The following TCEANC2 variants were observed in gnomAD, a reference collection of about 807,000 sequenced individuals.
TCEANC2 encodes the protein transcription elongation factor A N-terminal and central domain containing 2, also known as transcription elongation factor A N-terminal and central domain-containing protein 2.
TCEANC2 carries 20 observed loss-of-function variants against 22.8 expected under a neutral mutation model. That is an observed-to-expected ratio of 0.88 (90% confidence interval 0.62 to 1.28). TCEANC2 has a LOEUF of 1.28. TCEANC2 is among the 50% of genes most tolerant of loss of function. TCEANC2 has a pLI of 0.00. For synonymous variants in TCEANC2, 84 were observed against 95.5 expected, an observed-to-expected ratio of 0.88 and a Z score of 0.70; for missense variants, 251 against 249.7, an observed-to-expected ratio of 1.01 and a Z score of -0.03.
chr1:54,066,480 A>G (rs751594210), intron 2 of TCEANC2, among the ~76,000 whole-genome samples: 2 of 152,204 alleles, frequency 1.3e-5, no homozygotes, highest in Non-Finnish European at 2.9e-5. Flanking sequence ...GACCCAGAGA[A>G]GTTGAAAGTA....
intron 2 of TCEANC2, among the ~76,000 whole-genome samples, chr1:54,068,086 C>T (rs1657990874): frequency 6.6e-6 from 1 of 152,154 alleles, no homozygotes; most frequent in Non-Finnish European, 1.5e-5. Flanking sequence ...ATTTTTTATA[C>T]TTAATGGAAA....
intron 2 of TCEANC2, among the ~76,000 whole-genome samples, chr1:54,063,357 A>G (rs939190444): frequency 3.3e-5 from 5 of 152,210 alleles, no homozygotes; most frequent in African/African-American, 9.7e-5. Flanking sequence ...CCACACTCTT[A>G]TTACCATGCA....
At chr1:54,054,682 A>G (rs1225177825) in intron 2 of TCEANC2, among the ~76,000 whole-genome samples, 158 bp downstream of exon 2, 1 of 152,222 alleles carries the variant, frequency 6.6e-6, no homozygotes, top group African/African-American at 2.4e-5. Context: ...ATAGCTGTAC[A>G]GACTTACATT....
chr1:54,106,783 G>A (rs540008223), downstream of TCEANC2, among the ~76,000 whole-genome samples: 97 of 152,224 alleles, frequency 6.4e-4, no homozygotes, highest in African/African-American at 2.3e-3. Context: ...GATGTGTACA[G>A]ATATATACCC....
chr1:54,085,238 T>A (rs948031877), intron 3 of TCEANC2, among the ~76,000 whole-genome samples: 1 of 152,226 alleles, frequency 6.6e-6, no homozygotes, highest in East Asian at 1.9e-4. Flanking sequence ...GACAATTGCT[T>A]GTTTAAGCCC....
intron 3 of TCEANC2, among the ~76,000 whole-genome samples, chr1:54,086,579 C>T: frequency 6.6e-6 from 1 of 152,024 alleles, no homozygotes; most frequent in East Asian, 1.9e-4. Flanking sequence ...CTGCAAGTAG[C>T]TGGAGTATTG....
chr1:54,084,944 GGTGCTTT>G (rs1307534646), intron 3 of TCEANC2, among the ~76,000 whole-genome samples: 2 of 152,048 alleles, frequency 1.3e-5, no homozygotes, highest in Non-Finnish European at 2.9e-5. Context: ...AGTATCCAGG[GGTGCTTT>G]GTGCTTTGTG....
At chr1:54,090,449 AT>A (rs1658421320) in intron 4 of TCEANC2, among the ~76,000 whole-genome samples, 1 of 152,174 alleles carries the variant, frequency 6.6e-6, no homozygotes, top group Non-Finnish European at 1.5e-5. Flanking sequence ...AGATATTTTT[AT>A]TGATTATTTA....
chr1:54,054,179 C>T, intron 1 of TCEANC2: 1 of 1,317,108 alleles, frequency 7.6e-7, no homozygotes, highest in Non-Finnish European at 1.0e-6. Flanking sequence ...CCTCCTAACT[C>T]AGGACGTAGA....
intron 2 of TCEANC2, among the ~76,000 whole-genome samples, chr1:54,068,117 T>C (rs1425485771): frequency 6.6e-6 from 1 of 152,240 alleles, no homozygotes; most frequent in Non-Finnish European, 1.5e-5. Context: ...AACTTTAAGA[T>C]GGTACATAGT....
At position 54,068,746 on chromosome 1, in the gene TCEANC2, T is replaced by A; in HGVS notation, c.103-10T>A. The A allele has an allele frequency of 1.9e-6, 3 of 1,583,546 alleles. No individual in the cohort carries two copies. The highest frequency in any genetic ancestry group is 2.6e-6 in the Non-Finnish European group (3 of 1,170,886). On this transcript the variant is annotated splice_polypyrimidine_tract_variant and intron_variant, in intron 2 of 4. Coordinates refer to ENST00000234827, the MANE Select transcript of TCEANC2 (RefSeq NM_153035.3). ...TGTTCCATTTTCCAAATGACTTTTC[T>A]TTTTCCCAGAGAGTTGTGGTTGTAG...
rs1658702018 is a variant in TCEANC2, at chr1:54,103,892, TA to T, written c.*7420del. 6.6e-6 allele frequency: 1 copy of T among 152,212 alleles called. No individual in the cohort carries two copies. Among genetic ancestry groups the T allele is most frequent in the African/African-American group, 2.4e-5 (1 of 41,434 alleles). 9.4% of individuals were successfully genotyped at this position (152,212 alleles called of 1,614,324 possible). A position where few individuals can be genotyped will look rare whatever the true frequency, so the allele number is the denominator to read the frequency against. ...TTATAGAATGTTTAATCTACTGGGA[TA>T]GATTATGGGATCTATAGATTATGGG... is the stretch of plus-strand genomic sequence containing the variant. On this transcript the variant is annotated 3_prime_UTR_variant, in exon 5 of 5. Coordinates refer to ENST00000234827, the MANE Select transcript of TCEANC2 (RefSeq NM_153035.3).
exon 5 of TCEANC2, chr1:54,112,338 C>A (rs1311532785): frequency 2.0e-5 from 3 of 152,148 alleles, no homozygotes; most frequent in African/African-American, 4.8e-5. Flanking sequence ...ACACTCCAGC[C>A]TGGGCGACAG....
rs959228289 is a variant in TCEANC2, at chr1:54,103,064, G to A, written c.*6591G>A. The A allele has an allele frequency of 6.6e-6, 1 of 152,272 alleles. No individual in the cohort carries two copies. Among genetic ancestry groups the A allele is most frequent in the African/African-American group, 2.4e-5 (1 of 41,436 alleles). The allele number at this position is 152,272 out of a possible 1,614,324, so 9.4% of individuals were successfully genotyped here. ...GGCATGTAGTTGGACCTATAGGAGT[G>A]GGCACCAAGTGTGAAGATCATTGTA... On this transcript the variant is annotated 3_prime_UTR_variant, in exon 5 of 5. Coordinates refer to ENST00000234827, the MANE Select transcript of TCEANC2 (RefSeq NM_153035.3).
At chr1:54,107,711 T>C (rs1317437629), downstream of TCEANC2, among the ~76,000 whole-genome samples, 1 of 152,228 alleles carries the variant, frequency 6.6e-6, no homozygotes, top group Non-Finnish European at 1.5e-5. Context: ...TAAATTCATA[T>C]AATGTATTTT....
downstream of TCEANC2, chr1:54,106,224 T>C (rs1212443375): frequency 2.0e-5 from 3 of 152,174 alleles, no homozygotes; most frequent in Non-Finnish European, 2.9e-5. Context: ...TTAGAAATGG[T>C]CTAAATGCAC....
At chr1:54,083,484 C>T (rs985725906) in intron 3 of TCEANC2, among the ~76,000 whole-genome samples, 1 of 152,118 alleles carries the variant, frequency 6.6e-6, no homozygotes, top group African/African-American at 2.4e-5. Flanking sequence ...AGTAAGAAAG[C>T]CAGTGTCAGA....
Position 54,102,345 on chromosome 1 carries a change from C to A in TCEANC2, c.*5872C>A, listed in dbSNP as rs908351346. Reference sequence around the variant, plus strand: ...CTACAGGAGAATCACAATGTAGACACCTGGGGTTCTGGAGCAGGGCCATGC... The same window carrying A: ...CTACAGGAGAATCACAATGTAGACAACTGGGGTTCTGGAGCAGGGCCATGC... On this transcript the variant is annotated 3_prime_UTR_variant, in exon 5 of 5. Coordinates refer to ENST00000234827, the MANE Select transcript of TCEANC2 (RefSeq NM_153035.3). 1 of 152,214 alleles carries A rather than the reference C, an allele frequency of 6.6e-6. No individual in the cohort carries two copies. Among genetic ancestry groups the A allele is most frequent in the African/African-American group, 2.4e-5 (1 of 41,450 alleles). 9.4% of individuals were successfully genotyped at this position (152,214 alleles called of 1,614,324 possible).
At chr1:54,109,158 C>G (rs1411086575), downstream of TCEANC2, among the ~76,000 whole-genome samples, 1 of 152,116 alleles carries the variant, frequency 6.6e-6, no homozygotes, top group African/African-American at 2.4e-5. Context: ...TGAACTGTGC[C>G]TGTAGAGGGG....
Sources: gnomAD v4.1 joint callset for allele counts (sites outside exome capture counted in the v4.1 genomes callset) on GRCh38, gnomAD v4.1.1 for gene constraint, MANE v1.5 for transcripts, NCBI Gene and HGNC (gene_info 2026-07-23, HGNC 2026-07-21) for gene names.